The following NFIC variants were observed in gnomAD, a reference collection of about 807,000 sequenced individuals.
The protein encoded by NFIC is nuclear factor I C.
A neutral mutation model predicts 54.4 loss-of-function variants in NFIC; 12 were observed. That is an observed-to-expected ratio of 0.22 (90% CI 0.14 to 0.36). The LOEUF is 0.36. Ranked by LOEUF, NFIC falls within the 10% of genes least tolerant of loss-of-function variation. NFIC has a pLI of 1.00. For synonymous variants in NFIC, 322 were observed against 319.2 expected (o/e 1.01, Z -0.09); for missense variants, 575 against 718.2 (o/e 0.80, Z 2.28).
At chr19:3,390,641 G>C (rs373786984) in intron 2 of NFIC, among the ~76,000 whole-genome samples, 11 of 152,162 alleles carry the variant, frequency 7.2e-5, no homozygotes, top group African/African-American at 2.7e-4. Flanking sequence ...AAAGCATGAG[G>C]ACAGGGCCTG....
chr19:3,390,485 C>G lies in NFIC; in HGVS notation c.562+8242C>G, dbSNP rs117563982. ...GGGCATGTTGTGCAGCCGGGAGGCCCAGGATCACACCCCTCTGCTCTGGAA... is the reference window on the plus strand; with the variant it reads ...GGGCATGTTGTGCAGCCGGGAGGCCGAGGATCACACCCCTCTGCTCTGGAA... On this transcript the variant is annotated intron_variant, in intron 2 of 10. Coordinates refer to ENST00000443272, the MANE Select transcript of NFIC (RefSeq NM_001245002.2). 2.7e-3 allele frequency among the ~76,000 whole-genome samples: 416 copies of G among 152,234 alleles called. 15 individuals carry two copies. The East Asian group carries it at 0.076, about 28-fold the overall frequency.
rs780077207 is a variant in NFIC, at chr19:3,452,636, C to G, written c.1239C>G (p.Ala413=). The G allele has an allele frequency of 6.2e-7, 1 of 1,611,632 alleles. No individual in the cohort carries two copies. Among genetic ancestry groups the G allele is most frequent in the South Asian group, 1.1e-5 (1 of 90,950 alleles). The change falls in exon 8 of 11, where the codon GCC becomes GCG. Residue 413 remains alanine (A), a synonymous_variant. Coordinates refer to ENST00000443272, the MANE Select transcript of NFIC (RefSeq NM_001245002.2). This position sits in a 1 kb window ranked among gnomAD's most constrained non-coding sequence, Gnocchi z 5.3. ...QDPLKDLVSL[A]CDPASQQPGP... is the part of the protein sequence containing the mutation. ...CGCTCAAAGATCTTGTCTCGCTGGC[C>G]TGCGACCCAGCCAGCCAGCAACCTG...
Position 3,382,066 on chromosome 19 carries a change from C to T in NFIC, c.385C>T (p.Arg129Trp). Residue 129 changes from arginine to tryptophan, a missense_variant, in exon 2 of 11, where the codon CGG becomes TGG. Around this residue, in one of 3 missense-constraint regions of NFIC, gnomAD observed 6 missense variants for 33.3 expected, o/e 0.18. Transcript: ENST00000443272. ...DCLRQADKVW[R>W]LDLVMVILFK... ...TCTCCGGCAGGCGGACAAGGTGTGG[C>T]GGCTGGACCTGGTCATGGTCATCCT... 6.2e-7 allele frequency: 1 copy of T among 1,613,224 alleles called. No homozygotes were observed. The highest frequency in any genetic ancestry group is 8.5e-7 in the Non-Finnish European group (1 of 1,179,932).
upstream of NFIC, among the ~76,000 whole-genome samples, chr19:3,362,026 G>A (rs565914935): frequency 2.0e-5 from 3 of 152,240 alleles, no homozygotes; most frequent in African/African-American, 7.2e-5. Context: ...CCGCACTTGC[G>A]GGGGGATAGA....
chr19:3,407,011 C>A (rs2081661029), intron 2 of NFIC, among the ~76,000 whole-genome samples: 1 of 63,238 alleles, frequency 1.6e-5, no homozygotes, highest in African/African-American at 7.3e-5. Flanking sequence ...GAGAGAGGGA[C>A]GAGGGGAGGA....
chr19:3,411,829 G>A (rs762466746), intron 2 of NFIC, among the ~76,000 whole-genome samples: 2 of 152,210 alleles, frequency 1.3e-5, no homozygotes, highest in Admixed American at 6.6e-5. Flanking sequence ...TCCCGTGTCC[G>A]TGTTTGCTTG....
At chr19:3,383,425 G>A (rs1183961982) in intron 2 of NFIC, among the ~76,000 whole-genome samples, 2 of 152,202 alleles carry the variant, frequency 1.3e-5, no homozygotes, top group African/African-American at 4.8e-5. Flanking sequence ...TGAGAGGCCT[G>A]ATGCCTGTGC....
intron 3 of NFIC, among the ~76,000 whole-genome samples, chr19:3,427,725 G>A (rs548458716): frequency 2.2e-4 from 33 of 151,568 alleles, no homozygotes; most frequent in Non-Finnish European, 4.7e-4. Context: ...TAGTCGGGAG[G>A]CTGAGGCAGG....
At chr19:3,423,667 G>A (rs1316787061) in intron 2 of NFIC, among the ~76,000 whole-genome samples, 1 of 152,182 alleles carries the variant, frequency 6.6e-6, no homozygotes, top group Non-Finnish European at 1.5e-5. Context: ...TGAGCTCAGC[G>A]TCTGTCTGCC....
Position 3,381,846 on chromosome 19 carries a change from T to G in NFIC, c.165T>G (p.Arg55=). The change falls in exon 2 of 11, where the codon CGT becomes CGG. Residue 55 remains arginine (R), a synonymous_variant. Coordinates refer to ENST00000443272, the MANE Select transcript of NFIC (RefSeq NM_001245002.2). ...AGCGGATGTCGAAGGACGAGGAGCG[T>G]GCGGTCAAGGACGAGCTGCTGGGCG... ...HEKRMSKDEE[R]AVKDELLGEK... 6.2e-7 allele frequency: 1 copy of G among 1,613,976 alleles called. No homozygotes were observed. The highest frequency in any genetic ancestry group is 8.5e-7 in the Non-Finnish European group (1 of 1,179,960).
At chr19:3,408,554 A>G (rs938649534) in intron 2 of NFIC, among the ~76,000 whole-genome samples, 1 of 151,988 alleles carries the variant, frequency 6.6e-6, no homozygotes, top group Admixed American at 6.6e-5. Flanking sequence ...CAATCCTCGC[A>G]CCTCAGCCTC....
chr19:3,404,766 G>C (rs1425950410), intron 2 of NFIC, among the ~76,000 whole-genome samples: 1 of 152,254 alleles, frequency 6.6e-6, no homozygotes, highest in African/African-American at 2.4e-5. Flanking sequence ...TGGCCTCCCA[G>C]AGCGTCCCCA....
At chr19:3,403,504 C>T (rs2145544114) in intron 2 of NFIC, among the ~76,000 whole-genome samples, 2 of 152,302 alleles carry the variant, frequency 1.3e-5, no homozygotes, top group Middle Eastern at 6.8e-3. Flanking sequence ...CTACCTCTCC[C>T]TCCCCAAGCA....
intron 2 of NFIC, among the ~76,000 whole-genome samples, chr19:3,416,728 TG>T (rs1215154555): frequency 6.6e-6 from 1 of 151,502 alleles, no homozygotes; most frequent in Non-Finnish European, 1.5e-5. Context: ...TTCTCCATGT[TG>T]GTCAGGCTGC....
rs537993538 is a variant in NFIC, at chr19:3,449,208, A to G, written c.1084+69A>G. 31 of 1,552,082 alleles carry G rather than the reference A, an allele frequency of 2.0e-5. 1 individual carries two copies. In the African/African-American group the frequency reaches 2.5e-4, roughly 12 times the overall value. Reference sequence around the variant, plus strand: ...CTATCAGGCCTCTCACAGCCGGGGAAGTCCCACTGGATGTCTGACCATGAG... The same window carrying G: ...CTATCAGGCCTCTCACAGCCGGGGAGGTCCCACTGGATGTCTGACCATGAG... On this transcript the variant is annotated intron_variant, in intron 7 of 10. Coordinates refer to ENST00000443272, the MANE Select transcript of NFIC (RefSeq NM_001245002.2).
At position 3,454,012 on chromosome 19, in the gene NFIC, A is replaced by T. The variant is rs539661843; in HGVS notation, c.1423+96A>T. The T allele has an allele frequency of 2.8e-6, 4 of 1,406,634 alleles. No individual in the cohort carries two copies. In the South Asian group the frequency reaches 4.7e-5, roughly 17 times the overall value. The allele number at this position is 1,406,634 out of a possible 1,614,324, so 87.1% of individuals were successfully genotyped here. The stretch of plus-strand genomic sequence containing the variant: ...ACTGCCAGGTCAGAGGTCAGGCCCG[A>T]CCCTGCAGGGCCTGGCGAGTTTGGT... On this transcript the variant is annotated intron_variant, in intron 9 of 10. Coordinates refer to ENST00000443272, the MANE Select transcript of NFIC (RefSeq NM_001245002.2).
intron 3 of NFIC, among the ~76,000 whole-genome samples, chr19:3,427,813 C>CAAAA (rs35768795): frequency 2.6e-5 from 2 of 76,800 alleles, no homozygotes; most frequent in Admixed American, 1.5e-4. Context: ...GAGACTCTGT[C>CAAAA]AAAAAAAAAA....
chr19:3,425,604 T>C (rs2082015179), intron 3 of NFIC, among the ~76,000 whole-genome samples: 1 of 152,006 alleles, frequency 6.6e-6, no homozygotes, highest in Non-Finnish European at 1.5e-5. Flanking sequence ...GGATTACAGG[T>C]ACCTGCCACC....
chr19:3,380,309 CTTTTTTTT>C lies in NFIC; in HGVS notation c.31-1385_31-1378del, dbSNP rs529220524. On this transcript the variant is annotated intron_variant, in intron 1 of 10. Coordinates refer to ENST00000443272, the MANE Select transcript of NFIC (RefSeq NM_001245002.2). ...GTGAGCCACCGTGCCCAGCCTTGTT[CTTTTTTTT>C]TTTTTTTTTTTTTTTTTGAGACAGT... 9.5e-3 allele frequency among the ~76,000 whole-genome samples: 621 copies of C among 65,160 alleles called. 7 individuals are homozygous for C. Among genetic ancestry groups the C allele is most frequent in the Non-Finnish European group, 0.011 (413 of 38,514 alleles). 42.7% of individuals were successfully genotyped at this position (65,160 alleles called of 152,430 possible). A position where few individuals can be genotyped will look rare whatever the true frequency, so the allele number is the denominator to read the frequency against.
Sources: gnomAD v4.1 joint callset for allele counts (sites outside exome capture counted in the v4.1 genomes callset) on GRCh38, gnomAD v4.1.1 for gene constraint, gnomAD v4.1.1 regional missense constraint, Gnocchi (gnomAD v3.1) non-coding constraint, MANE v1.5 for transcripts, NCBI Gene and HGNC (gene_info 2026-07-23, HGNC 2026-07-21) for gene names.